Variants in U2SURP observed in about 807,000 individuals in gnomAD.
U2SURP encodes the protein U2 snRNP-associated SURP motif-containing protein.
A neutral mutation model predicts 144.9 loss-of-function variants in U2SURP; 9 were observed. The ratio of observed to expected loss-of-function variants is 0.06; its 90% CI spans 0.04 to 0.11. The LOEUF (loss-of-function observed/expected upper bound fraction) is 0.11, where lower values mean the gene tolerates loss of function less well. Ranked by LOEUF, U2SURP falls within the 10% of genes least tolerant of loss-of-function variation. U2SURP has a pLI of 1.00. For missense variants in U2SURP, 724 were observed against 1,226.7 expected (o/e 0.59, Z 6.12); for synonymous variants, 408 against 396.8 (o/e 1.03, Z -0.33).
intron 16 of U2SURP, among the ~76,000 whole-genome samples, chr3:143,030,684 T>C (rs1277063079): frequency 2.0e-5 from 3 of 152,194 alleles, no homozygotes; most frequent in Non-Finnish European, 4.4e-5. Context: ...TAGATAGTGA[T>C]TCCTCCAGTG....
rs906464777 is a variant in U2SURP, at chr3:143,027,824, A to C, written c.1380-516A>C. On this transcript the variant is annotated intron_variant, in intron 14 of 27. Coordinates refer to ENST00000473835, the MANE Select transcript of U2SURP (RefSeq NM_001080415.2). Reference sequence around the variant, plus strand: ...AATGTATTGAGGACAATTTTCCATCAGATTTTGATTTGGTTGATTAAATAG... The same window carrying C: ...AATGTATTGAGGACAATTTTCCATCCGATTTTGATTTGGTTGATTAAATAG... Among the ~76,000 whole-genome samples the C allele has an allele frequency of 3.3e-5, 5 of 152,168 alleles. No homozygotes were observed. In the East Asian group the frequency reaches 9.6e-4, roughly 29 times the overall value.
rs79190849 is a variant in U2SURP at position 143,024,534 on chromosome 3, T to A, written c.1274+516T>A. 2.0e-3 allele frequency: 852 copies of A among 435,888 alleles called. 7 individuals carry two copies. The highest frequency in any genetic ancestry group is 0.017 in the African/African-American group (805 of 48,592). 27.0% of individuals were successfully genotyped at this position (435,888 alleles called of 1,614,324 possible). ...CACTGGACATACTAGAAACTTTCTTTTCATGGTAACAAAGGTATTTGGAAT... is the reference window on the plus strand; with the variant it reads ...CACTGGACATACTAGAAACTTTCTTATCATGGTAACAAAGGTATTTGGAAT... On this transcript the variant is annotated intron_variant, in intron 13 of 27. Transcript: ENST00000473835.
At chr3:143,012,435 A>G (rs1013509721) in intron 3 of U2SURP, 82 bp downstream of exon 3, 5 of 1,345,156 alleles carry the variant, frequency 3.7e-6, no homozygotes, top group Non-Finnish European at 4.9e-6. Context: ...TAGTGGTCGA[A>G]TATTTGGTTT....
At chr3:143,012,952 T>A (rs1156313061) in intron 3 of U2SURP, among the ~76,000 whole-genome samples, 2 of 152,188 alleles carry the variant, frequency 1.3e-5, no homozygotes, top group African/African-American at 4.8e-5. Flanking sequence ...TAACAAAGTA[T>A]TTTTCTTGTT....
chr3:143,014,467 G>GT, intron 4 of U2SURP, 58 bp downstream of exon 4: 1 of 1,203,542 alleles, frequency 8.3e-7, no homozygotes, highest in African/African-American at 1.5e-5. Flanking sequence ...TAAGGGGTTA[G>GT]TAAGTGTATT....
At chr3:143,029,755 C>T (rs1335348510) in intron 16 of U2SURP, among the ~76,000 whole-genome samples, 1 of 152,088 alleles carries the variant, frequency 6.6e-6, no homozygotes, top group Non-Finnish European at 1.5e-5. Context: ...GCCTCTTGCA[C>T]CAAACAGTGA....
intron 10 of U2SURP, 128 bp downstream of exon 10, chr3:143,021,683 C>T (rs532613689): frequency 1.1e-6 from 1 of 893,872 alleles, no homozygotes; most frequent in Non-Finnish European, 1.7e-6. Context: ...TTAGAGTTGT[C>T]TTACTGGTAT....
chr3:143,054,811 T>G (rs2108321803), intron 26 of U2SURP, 132 bp from the exon 27 acceptor site: 1 of 886,372 alleles, frequency 1.1e-6, no homozygotes, highest in East Asian at 3.0e-5. Flanking sequence ...ACTTTGAGTA[T>G]TGTTAAAAGT....
Position 143,059,429 on chromosome 3 carries a change from C to T in U2SURP, c.*2979C>T, listed in dbSNP as rs1348739914. 1 of 151,964 alleles carries T rather than the reference C, an allele frequency of 6.6e-6. No individual in the cohort carries two copies. Among genetic ancestry groups the T allele is most frequent in the African/African-American group, 2.4e-5 (1 of 41,368 alleles). 9.4% of individuals were successfully genotyped at this position (151,964 alleles called of 1,614,324 possible). On this transcript the variant is annotated 3_prime_UTR_variant, in exon 28 of 28. Transcript: ENST00000473835. ...CCCCAAACTTTAATATTCTTGAGCA[C>T]TTGAAAATACTTTTGAGAAATTTTA...
intron 16 of U2SURP, among the ~76,000 whole-genome samples, chr3:143,031,368 G>A (rs2108293380): frequency 8.7e-6 from 1 of 114,920 alleles, no homozygotes; most frequent in South Asian, 2.4e-4. Context: ...AGTTGATGCG[G>A]TAAACTTTAT....
chr3:143,039,584 T>A (rs1472935660), intron 23 of U2SURP, among the ~76,000 whole-genome samples: 1 of 147,750 alleles, frequency 6.8e-6, no homozygotes, highest in Non-Finnish European at 1.5e-5. Flanking sequence ...TTAAAATCAT[T>A]GCAAAGGGAG....
intron 16 of U2SURP, among the ~76,000 whole-genome samples, chr3:143,029,126 T>A (rs1321509540): frequency 2.0e-5 from 3 of 152,232 alleles, no homozygotes; most frequent in Admixed American, 6.5e-5. Context: ...ACTTAACAAT[T>A]GTACAGTGCA....
intron 24 of U2SURP, among the ~76,000 whole-genome samples, chr3:143,046,161 G>A (rs1193189631): frequency 1.3e-5 from 2 of 151,090 alleles, no homozygotes; most frequent in African/African-American, 4.9e-5. Flanking sequence ...TTTGTAGCAT[G>A]GAATAAATAA....
intron 24 of U2SURP, among the ~76,000 whole-genome samples, chr3:143,044,849 G>GT (rs1387939212): frequency 6.6e-6 from 1 of 152,176 alleles, no homozygotes; most frequent in East Asian, 1.9e-4. Context: ...AAACTGAAAA[G>GT]TAAACAGACA....
Position 143,020,634 on chromosome 3 carries a change from A to C in U2SURP, c.674A>C (p.Lys225Thr). Residue 225 changes from lysine to threonine, a missense_variant, in exon 8 of 28, where the codon AAA becomes ACA. Physicochemically the swap from Lys to Thr is moderately conservative, Grantham distance 78. Transcript: ENST00000473835. ...GAACGTGATGAGAGACATAAAACAA[A>C]AGGCAGATTAAGTCGATTTGAACCT... The part of the protein sequence containing the change: ...QEERDERHKT[K>T]GRLSRFEPPQ... 1 of 1,613,114 alleles carries C rather than the reference A, an allele frequency of 6.2e-7. No individual in the cohort carries two copies. The highest frequency in any genetic ancestry group is 8.5e-7 in the Non-Finnish European group (1 of 1,179,512).
intron 27 of U2SURP, 135 bp from the exon 28 acceptor site, chr3:143,056,177 T>G: frequency 1.1e-6 from 1 of 881,604 alleles, no homozygotes; most frequent in Non-Finnish European, 1.7e-6. Context: ...AGAGTTTAAA[T>G]TTTAGAAGTT....
intron 24 of U2SURP, among the ~76,000 whole-genome samples, chr3:143,046,674 A>G (rs1397750548): frequency 9.4e-5 from 10 of 106,010 alleles, no homozygotes; most frequent in Non-Finnish European, 1.5e-4. Flanking sequence ...AGGCAAAAGA[A>G]TTTTTCTTAG....
chr3:143,052,184 C>G (rs553185435), intron 25 of U2SURP, among the ~76,000 whole-genome samples: 5 of 152,146 alleles, frequency 3.3e-5, no homozygotes, highest in Admixed American at 3.3e-4. Flanking sequence ...CACCTGAGGT[C>G]AGGAGTTCAA....
chr3:143,010,238 C>A (rs1250008790), intron 1 of U2SURP, among the ~76,000 whole-genome samples: 3 of 152,236 alleles, frequency 2.0e-5, no homozygotes, highest in Non-Finnish European at 2.9e-5. Context: ...TATATGAACT[C>A]TTTCTCATGC....
Sources: gnomAD v4.1 joint callset for allele counts (sites outside exome capture counted in the v4.1 genomes callset) on GRCh38, gnomAD v4.1.1 for gene constraint, MANE v1.5 for transcripts, NCBI Gene and HGNC (gene_info 2026-07-23, HGNC 2026-07-21) for gene names.